KCTD16: variants seen among roughly 807,000 people sequenced by gnomAD.
KCTD16 encodes BTB/POZ domain-containing protein KCTD16.
Under a neutral mutation model 33.2 loss-of-function variants are expected in KCTD16, and 13 were observed. That is an observed-to-expected ratio of 0.39 (90% CI 0.25 to 0.62). The LOEUF (loss-of-function observed/expected upper bound fraction) is 0.62, where lower values mean the gene tolerates loss of function less well. Ranked by LOEUF, KCTD16 falls within the 20% of genes least tolerant of loss-of-function variation. The probability of loss-of-function intolerance (pLI) is 0.50; values close to 1 mark genes in which losing one functional copy is unlikely to be tolerated. For synonymous variants in KCTD16, 197 were observed against 195.3 expected (o/e 1.01, Z -0.07); for missense variants, 441 against 525.1 (o/e 0.84, Z 1.57).
At chr5:144,392,381 A>G (rs898035770) in intron 3 of KCTD16, among the ~76,000 whole-genome samples, 5 of 152,230 alleles carry the variant, frequency 3.3e-5, no homozygotes, top group Non-Finnish European at 1.5e-5. Flanking sequence ...TGTGAGCCTC[A>G]TTTAAGATGC....
rs114882876 is a variant in KCTD16, at chr5:144,432,460, T to G, written c.833-41200T>G. On this transcript the variant is annotated intron_variant, in intron 3 of 3. Transcript: ENST00000512467. ...GAAGGGAAATTGTCTTTTGTAACAT[T>G]TTTAGTAAACTTTTTCAAGCACACA... 5.2e-3 allele frequency among the ~76,000 whole-genome samples: 787 copies of G among 152,228 alleles called. 6 individuals carry two copies. The highest frequency in any genetic ancestry group is 0.018 in the African/African-American group (756 of 41,550).
chr5:144,340,089 G>C (rs1240997048), intron 3 of KCTD16, among the ~76,000 whole-genome samples: 1 of 152,090 alleles, frequency 6.6e-6, no homozygotes, highest in Non-Finnish European at 1.5e-5. Flanking sequence ...TTGAAGCAGA[G>C]GGCAGGTAAG....
chr5:144,346,957 C>T (rs778642993), intron 3 of KCTD16, among the ~76,000 whole-genome samples: 3 of 148,230 alleles, frequency 2.0e-5, no homozygotes, highest in Non-Finnish European at 3.0e-5. Context: ...ATTTTCAACA[C>T]TTTTTTTTTT....
intron 3 of KCTD16, chr5:144,377,775 G>C (rs777133707): frequency 1.3e-5 from 2 of 152,132 alleles, no homozygotes; most frequent in African/African-American, 4.8e-5. Context: ...GGAGTGACTA[G>C]GGACATGGAA....
chr5:144,257,997 GC>G (rs1240950617), intron 3 of KCTD16, among the ~76,000 whole-genome samples: 1 of 152,114 alleles, frequency 6.6e-6, no homozygotes, highest in Non-Finnish European at 1.5e-5. Flanking sequence ...AATTCATAGA[GC>G]TATAGAGCTA....
At chr5:144,238,590 A>G (rs1350632536) in intron 3 of KCTD16, among the ~76,000 whole-genome samples, 1 of 152,100 alleles carries the variant, frequency 6.6e-6, no homozygotes, top group East Asian at 1.9e-4. Context: ...TTATCTTATC[A>G]TATGCCTCCA....
intron 3 of KCTD16, among the ~76,000 whole-genome samples, chr5:144,317,013 A>C (rs1375444789): frequency 5.3e-5 from 8 of 151,256 alleles, no homozygotes; most frequent in Non-Finnish European, 1.0e-4. Flanking sequence ...TTTTTAGTAG[A>C]GATGGGGTTT....
chr5:144,374,019 G>A (rs2126925909), intron 3 of KCTD16, among the ~76,000 whole-genome samples: 1 of 152,232 alleles, frequency 6.6e-6, no homozygotes, highest in Non-Finnish European at 1.5e-5. Context: ...TGAACCTCTT[G>A]CCTCTATGTA....
intron 3 of KCTD16, among the ~76,000 whole-genome samples, chr5:144,417,169 C>G (rs1205060000): frequency 6.6e-6 from 1 of 152,102 alleles, no homozygotes; most frequent in Non-Finnish European, 1.5e-5. Flanking sequence ...TTCTGAGGAA[C>G]CACCAAATTG....
chr5:144,469,143 C>T (rs1029922165), intron 3 of KCTD16, among the ~76,000 whole-genome samples: 6 of 152,128 alleles, frequency 3.9e-5, no homozygotes, highest in African/African-American at 9.7e-5. Flanking sequence ...AATTCTTTCC[C>T]GTTCTGGATT....
chr5:144,322,698 C>CAATA (rs969961047), intron 3 of KCTD16, among the ~76,000 whole-genome samples: 15 of 145,120 alleles, frequency 1.0e-4, no homozygotes, highest in African/African-American at 3.4e-4. Flanking sequence ...GTGCTTCTCA[C>CAATA]AATAACAACA....
At chr5:144,319,901 T>C (rs1453675147) in intron 3 of KCTD16, among the ~76,000 whole-genome samples, 1 of 152,130 alleles carries the variant, frequency 6.6e-6, no homozygotes, top group Admixed American at 6.5e-5. Flanking sequence ...TAATTGTATA[T>C]ATAAAGGTAT....
chr5:144,457,561 G>A (rs1013683124), intron 3 of KCTD16, among the ~76,000 whole-genome samples: 1 of 152,096 alleles, frequency 6.6e-6, no homozygotes, highest in Non-Finnish European at 1.5e-5. Flanking sequence ...TAAAACAGGG[G>A]GTGGAGGGAA....
At chr5:144,468,989 A>G (rs1754410671) in intron 3 of KCTD16, among the ~76,000 whole-genome samples, 1 of 152,202 alleles carries the variant, frequency 6.6e-6, no homozygotes, top group Non-Finnish European at 1.5e-5. Flanking sequence ...AGTGAGGTCT[A>G]TAGTGGAAGG....
chr5:144,415,992 G>C (rs182602542), intron 3 of KCTD16, among the ~76,000 whole-genome samples: 1 of 152,162 alleles, frequency 6.6e-6, no homozygotes, highest in African/African-American at 2.4e-5. Flanking sequence ...TAATCTTACA[G>C]TGTAGAATGG....
intron 3 of KCTD16, among the ~76,000 whole-genome samples, chr5:144,359,231 A>T (rs951996437): frequency 6.6e-6 from 1 of 152,204 alleles, no homozygotes; most frequent in African/African-American, 2.4e-5. Context: ...TGTTTCTCAC[A>T]GTTTAGGTTA....
In KCTD16 at chr5:144,386,783, C is replaced by CA. The variant is rs886551886; in HGVS notation, c.833-86869dup. On this transcript the variant is annotated intron_variant, in intron 3 of 3. Transcript: ENST00000512467. The stretch of plus-strand genomic sequence containing the variant: ...TGGTAAAACAAAAAAACAAACAAAA[C>CA]AAAAAAAACAGCCATTCCTCAAAGA... 5.9e-5 allele frequency among the ~76,000 whole-genome samples: 9 copies of CA among 151,676 alleles called. No homozygotes were observed. In the South Asian group the frequency reaches 8.3e-4, roughly 14 times the overall value.
chr5:144,444,375 T>C (rs1374520869), intron 3 of KCTD16, among the ~76,000 whole-genome samples: 1 of 152,074 alleles, frequency 6.6e-6, no homozygotes, highest in East Asian at 1.9e-4. Context: ...CAAGTAAATA[T>C]GTGTTTAATG....
At chr5:144,310,662 C>G (rs185175515) in intron 3 of KCTD16, among the ~76,000 whole-genome samples, 207 of 151,968 alleles carry the variant, frequency 1.4e-3, no homozygotes, top group African/African-American at 4.9e-3. Context: ...ATAATAAAGT[C>G]TGATTCATGA....
Sources: allele counts gnomAD v4.1 joint callset (sites outside exome capture counted in the v4.1 genomes callset), GRCh38; gene constraint gnomAD v4.1.1; transcripts MANE v1.5; gene names NCBI Gene and HGNC (gene_info 2026-07-23, HGNC 2026-07-21).